Variants in FOCAD observed in about 807,000 individuals in gnomAD.
FOCAD encodes focadhesin.
In FOCAD, 198 loss-of-function variants were observed where a neutral mutation model predicts 225.6. That is an observed-to-expected ratio of 0.88 (90% CI 0.78 to 0.99). FOCAD has a LOEUF of 0.99. Among genes scored for constraint, FOCAD ranks in the 50% least tolerant of loss-of-function variants. The pLI is 0.00. For synonymous variants in FOCAD, 897 were observed against 755.0 expected (o/e 1.19, Z -3.08); for missense variants, 2,713 against 2,123.6 (o/e 1.28, Z -5.46).
chr9:20,699,773 AATATATATATATATATATAT>A (rs1277614689), intron 1 of FOCAD, among the ~76,000 whole-genome samples: 836 of 30,348 alleles, frequency 0.028, 7 homozygotes, highest in Admixed American at 0.034. Flanking sequence ...AAAAAAAAAA[AATATATATATATATATATAT>A]ATATATATAT....
chr9:20,985,936 A>G (rs1048832142), intron 39 of FOCAD, among the ~76,000 whole-genome samples: 6 of 152,200 alleles, frequency 3.9e-5, no homozygotes, highest in Admixed American at 2.0e-4. Context: ...TACTTTGAAA[A>G]CCACTGAATT....
intron 21 of FOCAD, among the ~76,000 whole-genome samples, chr9:20,903,314 A>G (rs1323276596): frequency 6.6e-6 from 1 of 151,912 alleles, no homozygotes; most frequent in African/African-American, 2.4e-5. Flanking sequence ...ACATAGTTAA[A>G]TGTTTGAAAA....
At chr9:20,752,490 A>G (rs1239820654) in intron 5 of FOCAD, among the ~76,000 whole-genome samples, 2 of 152,134 alleles carry the variant, frequency 1.3e-5, no homozygotes, top group Admixed American at 1.3e-4. Context: ...GTTATTTCTG[A>G]GAGCTCTGTT....
chr9:20,778,791 G>T, intron 9 of FOCAD, 23 bp downstream of exon 9: 4 of 1,370,096 alleles, frequency 2.9e-6, no homozygotes, highest in Non-Finnish European at 4.2e-6. Flanking sequence ...ACAGTCACTA[G>T]AGTAAAATGT....
intron 21 of FOCAD, among the ~76,000 whole-genome samples, chr9:20,899,773 T>A (rs1832408141): frequency 6.6e-6 from 1 of 151,988 alleles, no homozygotes; most frequent in Non-Finnish European, 1.5e-5. Context: ...TATATCCTCT[T>A]ATTTTCAAAA....
chr9:20,946,861 A>G (rs767496475), intron 30 of FOCAD, 41 bp downstream of exon 30: 4 of 1,606,976 alleles, frequency 2.5e-6, no homozygotes, highest in Non-Finnish European at 3.4e-6. Flanking sequence ...TGTGGGTCTC[A>G]TGCTGCTGCT....
intron 1 of FOCAD, among the ~76,000 whole-genome samples, chr9:20,713,105 C>G (rs1825004496): frequency 6.6e-6 from 1 of 152,156 alleles, no homozygotes; most frequent in Non-Finnish European, 1.5e-5. Context: ...CAGAATGTGA[C>G]CACTTGGTAC....
intron 4 of FOCAD, among the ~76,000 whole-genome samples, chr9:20,738,861 C>T (rs1311757465): frequency 3.9e-5 from 6 of 152,040 alleles, no homozygotes; most frequent in African/African-American, 7.3e-5. Context: ...TTTTATGTAG[C>T]CCAATATATC....
upstream of FOCAD, among the ~76,000 whole-genome samples, chr9:20,656,012 T>C (rs1821470491): frequency 6.6e-6 from 1 of 152,162 alleles, no homozygotes; most frequent in East Asian, 1.9e-4. Flanking sequence ...ACATCTTTAT[T>C]TCTGCCTTCA....
chr9:20,696,431 G>A (rs1823374967), intron 1 of FOCAD, among the ~76,000 whole-genome samples: 1 of 152,134 alleles, frequency 6.6e-6, no homozygotes, highest in Non-Finnish European at 1.5e-5. Context: ...ATCTGATTTT[G>A]TACCCTAAAT....
At position 20,866,992 on chromosome 9, in the gene FOCAD, A is replaced by G. The variant is rs758552009; in HGVS notation, c.2170A>G (p.Ile724Val). The G allele has an allele frequency of 1.9e-6, 3 of 1,583,594 alleles. No homozygotes were observed. Among genetic ancestry groups the G allele is most frequent in the Admixed American group, 3.6e-5 (2 of 56,144 alleles). The change falls in exon 18 of 44, where the codon ATT becomes GTT. Residue 724 changes from isoleucine (I) to valine (V), a missense_variant. By Grantham distance (29) the Ile-to-Val change is conservative. Transcript: ENST00000338382. ...CAACTTTAGTGCAGGAGAACACACC[A>G]TTCTTCATCTGCCTGAAAAGGTAGG... ...LANFSAGEHT[I>V]LHLPEKIRPE... is the part of the protein sequence containing the mutation.
At position 20,781,908 on chromosome 9, in the gene FOCAD, T is replaced by C. The variant is rs750094339; in HGVS notation, c.1176T>C (p.Cys392=). ...LNLLEMIQQE[C]YRDDHQKLSY... is the part of the protein sequence containing the mutation. ...TTTTGGAAATGATACAGCAGGAATG[T>C]TACAGAGATGACCACCAAAAGGTAA... Residue 392 remains cysteine, a synonymous_variant, in exon 10 of 44, where the codon TGT becomes TGC. Transcript: ENST00000338382. The C allele has an allele frequency of 8.1e-6, 13 of 1,613,808 alleles. No individual in the cohort carries two copies. The highest frequency in any genetic ancestry group is 1.3e-5 in the African/African-American group (1 of 74,916).
intron 15 of FOCAD, among the ~76,000 whole-genome samples, chr9:20,844,247 C>A (rs1361442946): frequency 2.7e-5 from 4 of 150,734 alleles, no homozygotes; most frequent in African/African-American, 4.9e-5. Flanking sequence ...ATGTTTATTT[C>A]TCCACCTAAA....
intron 29 of FOCAD, 68 bp downstream of exon 29, chr9:20,944,842 G>A (rs1001623499): frequency 8.1e-6 from 12 of 1,473,718 alleles, no homozygotes; most frequent in Non-Finnish European, 1.1e-5. Flanking sequence ...ACTTATTTTG[G>A]ACTTACCATA....
chr9:20,798,748 A>G (rs1821429360), intron 11 of FOCAD, among the ~76,000 whole-genome samples: 1 of 151,412 alleles, frequency 6.6e-6, no homozygotes, highest in African/African-American at 2.4e-5. Context: ...TTTCTTCTTT[A>G]TTAATCTTGC....
rs761733200 is a variant in FOCAD, at chr9:20,819,822, G to T, written c.1482G>T (p.Met494Ile). The T allele has an allele frequency of 6.5e-7, 1 of 1,533,610 alleles. No homozygotes were observed. The highest frequency in any genetic ancestry group is 8.8e-7 in the Non-Finnish European group (1 of 1,142,638). ...SQVPNLIPVL[M>I]FKLGRPLEPI... The stretch of plus-strand genomic sequence containing the variant: ...TGCCAAATCTGATTCCAGTTTTGAT[G>T]TTCAAATTGGGAAGACCACTGGAAC... Residue 494 changes from methionine (M) to isoleucine (I), a missense_variant, in exon 12 of 44, where the codon ATG (methionine) becomes ATT (isoleucine). Coordinates refer to ENST00000338382, the MANE Select transcript of FOCAD (RefSeq NM_001375567.1).
Position 20,701,603 on chromosome 9 carries a change from T to A in FOCAD, c.-32-13719T>A, listed in dbSNP as rs547560443. On this transcript the variant is annotated intron_variant, in intron 1 of 43. Coordinates refer to ENST00000338382, the MANE Select transcript of FOCAD (RefSeq NM_001375567.1). ...TCGTGATGGAAGTGGCCAATTGTTA[T>A]CCTTTGTTACCTACTCATTGAACTT... 2.6e-5 allele frequency among the ~76,000 whole-genome samples: 4 copies of A among 152,356 alleles called. No homozygotes were observed. In the South Asian group the frequency reaches 6.2e-4, roughly 24 times the overall value.
At chr9:20,963,468 A>T (rs896730418) in intron 35 of FOCAD, among the ~76,000 whole-genome samples, 13 of 152,198 alleles carry the variant, frequency 8.5e-5, no homozygotes, top group Non-Finnish European at 4.4e-5. Context: ...GAAACTCCAA[A>T]GTCTTTGTAG....
chr9:20,697,478 GC>G (rs757285912), intron 1 of FOCAD, among the ~76,000 whole-genome samples: 24 of 152,268 alleles, frequency 1.6e-4, no homozygotes, highest in East Asian at 1.4e-3. Context: ...TGCCTAACTT[GC>G]TGACTTGCAC....
Sources: allele counts gnomAD v4.1 joint callset (sites outside exome capture counted in the v4.1 genomes callset), GRCh38; gene constraint gnomAD v4.1.1; transcripts MANE v1.5; gene names NCBI Gene and HGNC (gene_info 2026-07-23, HGNC 2026-07-21).